TENM2: variants seen among roughly 807,000 people sequenced by gnomAD.
The protein encoded by TENM2 is teneurin-2.
In TENM2, 52 loss-of-function variants were observed where a neutral mutation model predicts 245.2. The observed-to-expected ratio is 0.21, with a 90% confidence interval of 0.17 to 0.27. The LOEUF is 0.27. Among genes scored for constraint, TENM2 ranks in the 10% least tolerant of loss-of-function variants. The pLI is 1.00. For synonymous variants in TENM2, 1,363 were observed against 1,438.9 expected (o/e 0.95, Z 1.19); for missense variants, 3,046 against 3,666.8 (o/e 0.83, Z 4.37).
chr5:167,442,926 C>T (rs967922071), intron 2 of TENM2, among the ~76,000 whole-genome samples: 42 of 152,122 alleles, frequency 2.8e-4, no homozygotes, highest in African/African-American at 9.4e-4. Context: ...AACCCTGCTC[C>T]AATTATTCAG....
chr5:167,038,298 C>A, the TENM2 span, among the ~76,000 whole-genome samples: 2,499 of 152,320 alleles, frequency 0.016, 29 homozygotes, highest in Non-Finnish European at 0.024. Flanking sequence ...ATCTGTTATA[C>A]CTTCTCTGCT....
chr5:168,158,829 G>GTGTATATATATATA (rs1397260649), intron 12 of TENM2, among the ~76,000 whole-genome samples: 3 of 63,740 alleles, frequency 4.7e-5, no homozygotes, highest in Non-Finnish European at 8.9e-5. Flanking sequence ...GTGTGTGTGT[G>GTGTATATATATATA]TATATATATA....
exon 19 of TENM2, chr5:168,204,490 T>A: frequency 6.2e-7 from 1 of 1,614,028 alleles, no homozygotes; most frequent in South Asian, 1.1e-5. Flanking sequence ...GCAACGGCCT[T>A]GCTGAAGGCA....
intron 7 of TENM2, among the ~76,000 whole-genome samples, chr5:168,078,936 C>G (rs1229315892): frequency 2.0e-5 from 3 of 152,056 alleles, no homozygotes; most frequent in Admixed American, 6.6e-5. Flanking sequence ...TCCATATGAA[C>G]TTTAAAGTAG....
the TENM2 span, among the ~76,000 whole-genome samples, chr5:167,225,474 T>C: frequency 6.6e-6 from 1 of 152,092 alleles, no homozygotes; most frequent in Non-Finnish European, 1.5e-5. Flanking sequence ...GTTTATTGAT[T>C]TGCATATGTT....
intron 2 of TENM2, among the ~76,000 whole-genome samples, chr5:167,603,724 A>G (rs1776816525): frequency 6.6e-6 from 1 of 152,194 alleles, no homozygotes; most frequent in South Asian, 2.1e-4. Context: ...TCATAGAATC[A>G]GTTTGAGGAA....
intron 2 of TENM2, among the ~76,000 whole-genome samples, chr5:167,550,875 T>C (rs1204910671): frequency 6.6e-6 from 1 of 151,996 alleles, no homozygotes; most frequent in African/African-American, 2.4e-5. Context: ...ACTACAGGCA[T>C]GAGCTTCCAC....
At chr5:167,286,085 A>G (rs1378148365) in intron 1 of TENM2, among the ~76,000 whole-genome samples, 1 of 152,206 alleles carries the variant, frequency 6.6e-6, no homozygotes, top group Non-Finnish European at 1.5e-5. Context: ...ATTAATTAGC[A>G]CTATGCCCAC....
At chr5:168,063,871 G>T (rs1790269766) in intron 7 of TENM2, among the ~76,000 whole-genome samples, 1 of 152,078 alleles carries the variant, frequency 6.6e-6, no homozygotes. Context: ...TTTTTGAGCA[G>T]GGAGAGCTGA....
At chr5:167,656,334 T>C (rs1226460864) in intron 2 of TENM2, among the ~76,000 whole-genome samples, 5 of 152,110 alleles carry the variant, frequency 3.3e-5, no homozygotes, top group South Asian at 4.1e-4. Flanking sequence ...TAAATACTCA[T>C]TGAATCTTTA....
At chr5:167,635,790 G>T (rs1260850320) in intron 2 of TENM2, among the ~76,000 whole-genome samples, 1 of 151,458 alleles carries the variant, frequency 6.6e-6, no homozygotes, top group African/African-American at 2.4e-5. Context: ...GACTACAGGC[G>T]CCTGCCACCA....
chr5:167,809,997 C>T (rs984531698), intron 2 of TENM2, among the ~76,000 whole-genome samples: 2 of 151,984 alleles, frequency 1.3e-5, no homozygotes, highest in Admixed American at 1.3e-4. Context: ...TTTGCTCTGC[C>T]GTCTGGTTGG....
At chr5:167,222,186 AT>A in the TENM2 span, among the ~76,000 whole-genome samples, 4 of 152,200 alleles carry the variant, frequency 2.6e-5, no homozygotes, top group African/African-American at 9.6e-5. Context: ...TGTATTTGTG[AT>A]AAAAAGATCA....
the TENM2 span, among the ~76,000 whole-genome samples, chr5:167,224,309 C>T: frequency 1.3e-5 from 2 of 151,786 alleles, no homozygotes; most frequent in Non-Finnish European, 2.9e-5. Context: ...CATCTAGTGG[C>T]TTTATTGTTT....
At chr5:168,161,920 T>A (rs1377401891) in intron 12 of TENM2, among the ~76,000 whole-genome samples, 1 of 152,028 alleles carries the variant, frequency 6.6e-6, no homozygotes, top group Non-Finnish European at 1.5e-5. Flanking sequence ...ATATATTTTT[T>A]CTTCTATCTT....
chr5:167,555,724 T>C (rs1472306747), intron 2 of TENM2, among the ~76,000 whole-genome samples: 1 of 152,122 alleles, frequency 6.6e-6, no homozygotes, highest in Non-Finnish European at 1.5e-5. Context: ...CCCTGACATG[T>C]TGGGTCTGTA....
chr5:168,257,470 C>G (rs1026572965), intron 27 of TENM2, among the ~76,000 whole-genome samples: 4 of 152,070 alleles, frequency 2.6e-5, no homozygotes, highest in African/African-American at 9.7e-5. Context: ...GAGGCAGGAG[C>G]GAGGGAGAGC....
At chr5:167,323,036 G>T (rs1756861928) in intron 1 of TENM2, among the ~76,000 whole-genome samples, 2 of 152,154 alleles carry the variant, frequency 1.3e-5, no homozygotes, top group South Asian at 4.1e-4. Context: ...TGGCCAACTG[G>T]CCCTGCACCT....
chr5:167,749,871 G>C (rs1254825244), intron 2 of TENM2, among the ~76,000 whole-genome samples: 1 of 152,096 alleles, frequency 6.6e-6, no homozygotes, highest in African/African-American at 2.4e-5. Flanking sequence ...TCAATAAAGA[G>C]ATCTGCCTTT....
Sources: gnomAD v4.1 joint callset for allele counts (sites outside exome capture counted in the v4.1 genomes callset) on GRCh38, gnomAD v4.1.1 for gene constraint, MANE v1.5 for transcripts, NCBI Gene and HGNC (gene_info 2026-07-23, HGNC 2026-07-21) for gene names.